ANO2: variants seen among roughly 807,000 people sequenced by gnomAD.
ANO2 encodes anoctamin 2.
Under a neutral mutation model 124.2 loss-of-function variants are expected in ANO2, and 101 were observed. The observed-to-expected ratio is 0.81, with a 90% CI of 0.69 to 0.96. The LOEUF is 0.96. Among genes scored for constraint, ANO2 ranks in the 40% least tolerant of loss-of-function variants. ANO2 has a pLI of 0.00. For synonymous variants in ANO2, 486 were observed against 482.5 expected (o/e 1.01, Z -0.09); for missense variants, 1,293 against 1,274.5 (o/e 1.01, Z -0.22).
In ANO2 at chr12:5,850,214, G is replaced by A. The variant is rs187579468; in HGVS notation, c.633+3829C>T. On this transcript the variant is annotated intron_variant, in intron 4 of 24. Coordinates refer to ENST00000682330, the MANE Select transcript of ANO2 (RefSeq NM_001364791.2). ...ATGGATCACTTGAGGTCAGGAGTTC[G>A]AGACCAGCCTGGCCAACATGTTGAA... Among the ~76,000 whole-genome samples, 551 of 152,066 alleles carry A rather than the reference G, an allele frequency of 3.6e-3. 4 individuals carry two copies. Among genetic ancestry groups the A allele is most frequent in the African/African-American group, 0.013 (535 of 41,476 alleles).
At position 5,754,407 on chromosome 12, in the gene ANO2, G is replaced by T. The variant is rs531048831; in HGVS notation, c.1056-3437C>A. 3.9e-5 allele frequency among the ~76,000 whole-genome samples: 6 copies of T among 152,214 alleles called. No individual in the cohort carries two copies. In the South Asian group the frequency reaches 1.2e-3, roughly 32 times the overall value. On this transcript the variant is annotated intron_variant, in intron 10 of 24. Transcript: ENST00000682330. ...CTTGTAGTGTCTCTGTCTGGATTTG[G>T]TATCAGGGTGGTGCTTGCCTCAGGA...
At chr12:5,696,180 A>G (rs1414196859) in intron 14 of ANO2, among the ~76,000 whole-genome samples, 4 of 152,210 alleles carry the variant, frequency 2.6e-5, no homozygotes, top group African/African-American at 7.2e-5. Context: ...GAAGACAAAC[A>G]ATAGGAAGAA....
At chr12:5,654,583 C>A (rs890742068) in intron 14 of ANO2, among the ~76,000 whole-genome samples, 2 of 152,128 alleles carry the variant, frequency 1.3e-5, no homozygotes, top group African/African-American at 4.8e-5. Flanking sequence ...AGGACTTGTA[C>A]TTTGTGATTA....
intron 3 of ANO2, among the ~76,000 whole-genome samples, chr12:5,872,190 G>T (rs577593621): frequency 6.6e-6 from 1 of 151,952 alleles, no homozygotes; most frequent in Non-Finnish European, 1.5e-5. Flanking sequence ...ATAGGATCGC[G>T]CACCTGCTCT....
At chr12:5,623,658 A>T (rs1300593068) in intron 16 of ANO2, among the ~76,000 whole-genome samples, 1 of 152,212 alleles carries the variant, frequency 6.6e-6, no homozygotes, top group Non-Finnish European at 1.5e-5. Context: ...AGAGGACGCC[A>T]GCTGCAGGCT....
chr12:5,794,635 G>T (rs1293771365), intron 10 of ANO2, among the ~76,000 whole-genome samples: 1 of 152,206 alleles, frequency 6.6e-6, no homozygotes, highest in East Asian at 1.9e-4. Context: ...ATACTGATAG[G>T]TTTGAACATT....
At chr12:5,617,090 G>T (rs914157150) in intron 16 of ANO2, among the ~76,000 whole-genome samples, 3 of 151,350 alleles carry the variant, frequency 2.0e-5, no homozygotes, top group African/African-American at 7.3e-5. Flanking sequence ...GCACTCTCCA[G>T]ATCACACTGT....
intron 19 of ANO2, among the ~76,000 whole-genome samples, chr12:5,602,254 C>A (rs1943976822): frequency 7.4e-6 from 1 of 135,852 alleles, no homozygotes; most frequent in Non-Finnish European, 1.7e-5. Flanking sequence ...GATCTAGGAA[C>A]TCTTTTTTTT....
chr12:5,852,540 G>A (rs1954943203), intron 4 of ANO2, among the ~76,000 whole-genome samples: 1 of 152,120 alleles, frequency 6.6e-6, no homozygotes, highest in Non-Finnish European at 1.5e-5. Context: ...CTCAAGTAGA[G>A]GATTCATGAT....
intron 14 of ANO2, among the ~76,000 whole-genome samples, chr12:5,714,779 C>T (rs541902043): frequency 3.7e-4 from 56 of 152,288 alleles, no homozygotes; most frequent in Admixed American, 1.2e-3. Context: ...TCACAACGTG[C>T]GATAGTTAAG....
intron 10 of ANO2, among the ~76,000 whole-genome samples, chr12:5,755,280 T>C (rs1270033712): frequency 6.6e-6 from 1 of 151,768 alleles, no homozygotes; most frequent in East Asian, 1.9e-4. Context: ...CTTATAATGG[T>C]TCCCTTGTTT....
intron 7 of ANO2, among the ~76,000 whole-genome samples, chr12:5,808,222 C>CCAA (rs1184772998): frequency 6.6e-6 from 1 of 152,228 alleles, no homozygotes; most frequent in Non-Finnish European, 1.5e-5. Context: ...TGTTTTAATT[C>CCAA]CAACAGTGTC....
intron 3 of ANO2, among the ~76,000 whole-genome samples, chr12:5,879,661 A>G (rs12317184): frequency 0.02 from 3,017 of 152,320 alleles, 88 homozygotes; most frequent in African/African-American, 0.068. Flanking sequence ...TAAGACCAAC[A>G]TATTAAGAGA....
intron 7 of ANO2, among the ~76,000 whole-genome samples, chr12:5,814,575 A>G (rs1953542684): frequency 1.3e-5 from 2 of 152,190 alleles, no homozygotes; most frequent in South Asian, 4.2e-4. Flanking sequence ...ACGACATCCT[A>G]TCCATTGTAT....
chr12:5,640,989 G>A (rs915589527), intron 15 of ANO2, among the ~76,000 whole-genome samples: 1 of 152,194 alleles, frequency 6.6e-6, no homozygotes, highest in Non-Finnish European at 1.5e-5. Context: ...GTCCATCAGT[G>A]ATAGACTGGA....
intron 15 of ANO2, among the ~76,000 whole-genome samples, chr12:5,646,100 T>G (rs1946625561): frequency 6.6e-6 from 1 of 152,228 alleles, no homozygotes; most frequent in African/African-American, 2.4e-5. Context: ...TTTAATTTGG[T>G]GAGGACATCC....
chr12:5,618,685 T>C (rs1375293065), intron 16 of ANO2, among the ~76,000 whole-genome samples: 1 of 152,214 alleles, frequency 6.6e-6, no homozygotes, highest in Admixed American at 6.5e-5. Context: ...ACTCCCAGTC[T>C]AACCTGATGC....
In ANO2 at chr12:5,694,286, T is replaced by C. The variant is rs140285726; in HGVS notation, c.1545+38234A>G. On this transcript the variant is annotated intron_variant, in intron 14 of 24. Transcript: ENST00000682330. ...GAGAGAGAGAGAGAGAGAGAGAGAA[T>C]AAAACAGACACAAATAGGGACAGAA... Among the ~76,000 whole-genome samples, 29 of 75,680 alleles carry C rather than the reference T, an allele frequency of 3.8e-4. 1 individual carries two copies. Among genetic ancestry groups the C allele is most frequent in the African/African-American group, 1.4e-3 (28 of 20,574 alleles). The allele number at this position is 75,680 out of a possible 152,430, so 49.6% of individuals were successfully genotyped here. A position where few individuals can be genotyped will look rare whatever the true frequency, so the allele number is the denominator to read the frequency against.
intron 3 of ANO2, among the ~76,000 whole-genome samples, chr12:5,912,265 G>C (rs958384685): frequency 2.0e-5 from 3 of 152,208 alleles, no homozygotes; most frequent in Non-Finnish European, 4.4e-5. Context: ...GGCTGGGTGA[G>C]TGCCACCTCC....
Sources: allele counts gnomAD v4.1 joint callset (sites outside exome capture counted in the v4.1 genomes callset), GRCh38; gene constraint gnomAD v4.1.1; transcripts MANE v1.5; gene names NCBI Gene and HGNC (gene_info 2026-07-23, HGNC 2026-07-21).